Variants in FILIP1L observed in about 807,000 individuals in gnomAD.
FILIP1L encodes filamin A-interacting protein 1-like.
In FILIP1L, 55 loss-of-function variants were observed where a neutral mutation model predicts 96.6. The ratio of observed to expected loss-of-function variants is 0.57; its 90% CI spans 0.46 to 0.71. The LOEUF (loss-of-function observed/expected upper bound fraction) is 0.71, where lower values mean the gene tolerates loss of function less well. Ranked by LOEUF, FILIP1L falls within the 30% of genes least tolerant of loss-of-function variation. The pLI is 0.00. For synonymous variants in FILIP1L, 467 were observed against 473.9 expected, an observed-to-expected ratio of 0.99 and a Z score of 0.19; for missense variants, 1,304 against 1,321.2, an observed-to-expected ratio of 0.99 and a Z score of 0.20.
chr3:99,999,941 A>G (rs1709794371), intron 1 of FILIP1L, among the ~76,000 whole-genome samples: 1 of 152,160 alleles, frequency 6.6e-6, no homozygotes, highest in Non-Finnish European at 1.5e-5. Flanking sequence ...GTGTTGACAT[A>G]AAGGTATCTC....
At chr3:100,110,069 T>C (rs1043877147) in intron 1 of FILIP1L, 4 of 151,894 alleles carry the variant, frequency 2.6e-5, no homozygotes, top group Admixed American at 6.6e-5. Flanking sequence ...AAGTCACTAA[T>C]ACACCCCTGG....
At chr3:99,881,237 G>A (rs1449993694) in intron 4 of FILIP1L, among the ~76,000 whole-genome samples, 1 of 152,198 alleles carries the variant, frequency 6.6e-6, no homozygotes, top group African/African-American at 2.4e-5. Context: ...TGACGCCACT[G>A]TAAGATTATT....
chr3:99,872,499 A>G (rs372720276), intron 4 of FILIP1L, among the ~76,000 whole-genome samples: 4 of 151,900 alleles, frequency 2.6e-5, no homozygotes, highest in African/African-American at 4.8e-5. Flanking sequence ...GAGTTGAGGT[A>G]TGTCTGCATC....
chr3:99,956,937 A>G (rs1708337285), intron 1 of FILIP1L, among the ~76,000 whole-genome samples: 1 of 152,080 alleles, frequency 6.6e-6, no homozygotes, highest in Non-Finnish European at 1.5e-5. Flanking sequence ...TAATTTCCAA[A>G]TCCAGGAACC....
At chr3:100,067,255 C>G (rs2065682643) in intron 1 of FILIP1L, among the ~76,000 whole-genome samples, 1 of 152,068 alleles carries the variant, frequency 6.6e-6, no homozygotes, top group East Asian at 1.9e-4. Flanking sequence ...CCTACTCAAA[C>G]TGAATTACCA....
At position 99,928,027 on chromosome 3, in the gene FILIP1L, A is replaced by T. The variant is rs140658238; in HGVS notation, c.426+1829T>A. ...AGATTTTTTAGGTTTTTCAAAAAGA[A>T]CATTATGAAGAAAATAAAAGGGAGA... On this transcript the variant is annotated intron_variant, in intron 3 of 5. Transcript: ENST00000477258. Among the ~76,000 whole-genome samples, 696 of 152,374 alleles carry T rather than the reference A, an allele frequency of 4.6e-3. 2 individuals are homozygous for T. The highest frequency in any genetic ancestry group is 7.0e-3 in the South Asian group (34 of 4,830).
At chr3:99,892,702 T>G (rs939865532) in intron 4 of FILIP1L, among the ~76,000 whole-genome samples, 3 of 151,970 alleles carry the variant, frequency 2.0e-5, no homozygotes, top group African/African-American at 7.3e-5. Context: ...TTCCCATAAC[T>G]CTCCCCCAAT....
intron 1 of FILIP1L, among the ~76,000 whole-genome samples, chr3:99,979,802 A>T (rs1709068505): frequency 6.6e-6 from 1 of 152,192 alleles, no homozygotes; most frequent in Non-Finnish European, 1.5e-5. Context: ...CCTAGTCCTT[A>T]AAGAGGGCAC....
Position 99,850,902 on chromosome 3 carries a change from C to T in FILIP1L, c.774G>A (p.Gln258=), listed in dbSNP as rs1415286712. 6.2e-7 allele frequency: 1 copy of T among 1,614,154 alleles called. No homozygotes were observed. Among genetic ancestry groups the T allele is most frequent in the South Asian group, 1.1e-5 (1 of 91,080 alleles). The change falls in exon 5 of 6, where the codon CAG becomes CAA. Residue 258 remains glutamine (Q), a synonymous_variant. Coordinates refer to ENST00000477258, the MANE Select transcript of FILIP1L (RefSeq NM_001387850.1). ...CATTTGTGGTCAGCTCTTGGATTTT[C>T]TGTCTTTGAAGGGTGAGCTGTGCCG... ...RLTAQLTLQR[Q]KIQELTTNAK...
chr3:99,956,005 G>C (rs1576599102), intron 1 of FILIP1L, among the ~76,000 whole-genome samples: 1 of 152,162 alleles, frequency 6.6e-6, no homozygotes, highest in East Asian at 1.9e-4. Flanking sequence ...TGGCTAGGTT[G>C]TAAGGTGCCT....
Position 99,978,063 on chromosome 3 carries a change from A to G in FILIP1L, c.-10-47033T>C, listed in dbSNP as rs137907831. On this transcript the variant is annotated intron_variant, in intron 1 of 5. Transcript: ENST00000477258. ...CATTCTTTACATAAAACAAGCAATG[A>G]ACGTTTCAAAAGAAAACATTTTTAA... Among the ~76,000 whole-genome samples the G allele has an allele frequency of 7.9e-5, 12 of 152,348 alleles. No homozygotes were observed. In the East Asian group the frequency reaches 2.3e-3, roughly 29 times the overall value.
intron 1 of FILIP1L, among the ~76,000 whole-genome samples, chr3:100,081,301 T>C (rs1031777149): frequency 5.9e-5 from 9 of 152,354 alleles, no homozygotes; most frequent in African/African-American, 2.2e-4. Flanking sequence ...TCACCTTTCA[T>C]GTAAAACAAA....
intron 1 of FILIP1L, among the ~76,000 whole-genome samples, chr3:100,057,586 G>A (rs2065487149): frequency 6.6e-6 from 1 of 152,186 alleles, no homozygotes; most frequent in Non-Finnish European, 1.5e-5. Context: ...CCTGCAAACA[G>A]GGAATGTCCC....
intron 4 of FILIP1L, among the ~76,000 whole-genome samples, chr3:99,878,852 G>A (rs1705627624): frequency 6.6e-6 from 1 of 152,184 alleles, no homozygotes; most frequent in African/African-American, 2.4e-5. Flanking sequence ...ATAAGTAGAT[G>A]AGTAGACTTT....
chr3:100,035,612 C>T (rs1035083076), intron 1 of FILIP1L, among the ~76,000 whole-genome samples: 3 of 152,172 alleles, frequency 2.0e-5, no homozygotes, highest in Admixed American at 2.0e-4. Flanking sequence ...AGTAATCAAA[C>T]ACTTTGACCT....
intron 1 of FILIP1L, among the ~76,000 whole-genome samples, chr3:99,943,360 G>C (rs757414083): frequency 6.6e-6 from 1 of 152,060 alleles, no homozygotes; most frequent in African/African-American, 2.4e-5. Context: ...TTACACATTT[G>C]GATTAATAAC....
chr3:100,035,404 G>A (rs2065090272), intron 1 of FILIP1L, among the ~76,000 whole-genome samples: 1 of 152,146 alleles, frequency 6.6e-6, no homozygotes, highest in Non-Finnish European at 1.5e-5. Flanking sequence ...CTCCGGAGTA[G>A]CTGGGACTAC....
At chr3:99,918,633 T>C (rs1395017950) in intron 4 of FILIP1L, among the ~76,000 whole-genome samples, 5 of 152,176 alleles carry the variant, frequency 3.3e-5, no homozygotes, top group Non-Finnish European at 7.3e-5. Context: ...TTTAAGAGTA[T>C]GGTTTTATGA....
rs186441043 is a variant in FILIP1L at position 99,933,492 on chromosome 3, G to A, written c.-10-2462C>T. The stretch of plus-strand genomic sequence containing the variant: ...ATAAAAATATTCATGTACTACCACA[G>A]TATATTATGTGCTTTATAAAAAACA... On this transcript the variant is annotated intron_variant, in intron 1 of 5. Coordinates refer to ENST00000477258, the MANE Select transcript of FILIP1L (RefSeq NM_001387850.1). 1.6e-3 allele frequency among the ~76,000 whole-genome samples: 247 copies of A among 152,222 alleles called. 1 individual carries two copies. Among genetic ancestry groups the A allele is most frequent in the Middle Eastern group, 0.014 (4 of 294 alleles).
Sources: allele counts gnomAD v4.1 joint callset (sites outside exome capture counted in the v4.1 genomes callset), GRCh38; gene constraint gnomAD v4.1.1; transcripts MANE v1.5; gene names NCBI Gene and HGNC (gene_info 2026-07-23, HGNC 2026-07-21).